The following NDST3 variants were observed in gnomAD, a reference collection of about 807,000 sequenced individuals.
The protein encoded by NDST3 is N-deacetylase and N-sulfotransferase 3.
In NDST3, 58 loss-of-function variants were observed where a neutral mutation model predicts 96.1. That is an observed-to-expected ratio of 0.60 (90% CI 0.49 to 0.75). The LOEUF (loss-of-function observed/expected upper bound fraction) is 0.75, where lower values mean the gene tolerates loss of function less well. Ranked by LOEUF, NDST3 falls within the 30% of genes least tolerant of loss-of-function variation. NDST3 has a pLI of 0.00. For synonymous variants in NDST3, 333 were observed against 359.7 expected (o/e 0.93, Z 0.84); for missense variants, 788 against 1,034.2 (o/e 0.76, Z 3.27).
At chr4:118,144,003 A>ATT (rs111242608) in intron 6 of NDST3, among the ~76,000 whole-genome samples, 65 of 151,032 alleles carry the variant, frequency 4.3e-4, no homozygotes, top group African/African-American at 1.5e-3. Flanking sequence ...ACGGGGAACC[A>ATT]TTTTTTTTTC....
intron 2 of NDST3, among the ~76,000 whole-genome samples, chr4:118,070,520 C>T (rs1726967587): frequency 1.3e-5 from 2 of 151,966 alleles, no homozygotes; most frequent in Admixed American, 1.3e-4. Context: ...TGATTACTCC[C>T]TACAGTCTAT....
At chr4:118,146,645 G>A (rs1487125993) in intron 6 of NDST3, among the ~76,000 whole-genome samples, 1 of 152,192 alleles carries the variant, frequency 6.6e-6, no homozygotes, top group East Asian at 1.9e-4. Context: ...TATCAATCAA[G>A]TGAATTTAAC....
At chr4:118,045,619 A>G (rs1425969973) in intron 1 of NDST3, among the ~76,000 whole-genome samples, 1 of 152,240 alleles carries the variant, frequency 6.6e-6, no homozygotes, top group Non-Finnish European at 1.5e-5. Flanking sequence ...TATATTATTC[A>G]TAAAGATAAA....
intron 6 of NDST3, among the ~76,000 whole-genome samples, chr4:118,204,897 T>G (rs1413253361): frequency 6.9e-6 from 1 of 144,532 alleles, no homozygotes; most frequent in Non-Finnish European, 1.5e-5. Flanking sequence ...TAGTTGCTTA[T>G]CATTTTCAGT....
chr4:118,227,240 C>CTTTTT, intron 8 of NDST3, among the ~76,000 whole-genome samples: 1 of 144,988 alleles, frequency 6.9e-6, no homozygotes, highest in African/African-American at 2.7e-5. Flanking sequence ...TTTTTTTTTC[C>CTTTTT]CCCCCAAATG....
chr4:118,238,540 A>C (rs763747277), intron 10 of NDST3, among the ~76,000 whole-genome samples: 3 of 152,232 alleles, frequency 2.0e-5, no homozygotes, highest in Non-Finnish European at 4.4e-5. Flanking sequence ...CAATGTCTTT[A>C]GTCTCTAGGA....
chr4:118,212,818 T>C (rs986103270), intron 6 of NDST3, among the ~76,000 whole-genome samples: 5 of 152,178 alleles, frequency 3.3e-5, no homozygotes, highest in African/African-American at 1.2e-4. Context: ...TTATAACAGG[T>C]TAGCCTTGGG....
chr4:118,125,138 G>A (rs1364964735), intron 4 of NDST3, among the ~76,000 whole-genome samples: 2 of 152,042 alleles, frequency 1.3e-5, no homozygotes, highest in Non-Finnish European at 2.9e-5. Context: ...TACATGGTGG[G>A]ACTTCCTGGC....
chr4:118,240,498 T>C, intron 10 of NDST3, 26 bp from the exon 11 acceptor site: 1 of 1,564,270 alleles, frequency 6.4e-7, no homozygotes. Flanking sequence ...TTCAGATTAG[T>C]TTAATTATCC....
At chr4:118,066,228 A>G (rs1223260374) in intron 2 of NDST3, among the ~76,000 whole-genome samples, 1 of 67,238 alleles carries the variant, frequency 1.5e-5, no homozygotes, top group African/African-American at 5.8e-5. Context: ...AATATATTAT[A>G]TATATTATAT....
chr4:118,118,410 G>A (rs1731286870), intron 4 of NDST3, among the ~76,000 whole-genome samples: 1 of 152,166 alleles, frequency 6.6e-6, no homozygotes, highest in African/African-American at 2.4e-5. Flanking sequence ...GAATTTCCGA[G>A]ACTGTGATCT....
At chr4:118,040,875 A>ATATT (rs1560603322) in intron 1 of NDST3, among the ~76,000 whole-genome samples, 1 of 52,530 alleles carries the variant, frequency 1.9e-5, no homozygotes, top group Non-Finnish European at 6.5e-5. Context: ...TTTTATATAT[A>ATATT]TATATATTTA....
At chr4:118,136,805 T>C (rs1210536918) in intron 4 of NDST3, among the ~76,000 whole-genome samples, 1 of 152,054 alleles carries the variant, frequency 6.6e-6, no homozygotes, top group Non-Finnish European at 1.5e-5. Flanking sequence ...AGACAGTGTG[T>C]ACAGTATACA....
At chr4:118,034,991 T>C (rs1424049195) in intron 1 of NDST3, among the ~76,000 whole-genome samples, 1 of 152,208 alleles carries the variant, frequency 6.6e-6, no homozygotes, top group Non-Finnish European at 1.5e-5. Flanking sequence ...CTCAAAAGGC[T>C]TTCTATTTGA....
At chr4:118,183,007 A>T (rs572570306) in intron 6 of NDST3, among the ~76,000 whole-genome samples, 11 of 152,126 alleles carry the variant, frequency 7.2e-5, no homozygotes, top group Non-Finnish European at 1.6e-4. Context: ...AAATAAGACT[A>T]CTCATACCAA....
intron 6 of NDST3, among the ~76,000 whole-genome samples, chr4:118,200,491 A>C (rs10030269): frequency 3.6e-4 from 55 of 152,312 alleles, no homozygotes; most frequent in African/African-American, 1.3e-3. Context: ...ATGCCATCTA[A>C]AAACCAAGTC....
chr4:118,110,597 G>A (rs1730557156), intron 3 of NDST3, among the ~76,000 whole-genome samples: 1 of 152,034 alleles, frequency 6.6e-6, no homozygotes, highest in African/African-American at 2.4e-5. Flanking sequence ...TATAATATCA[G>A]AATAGCAAAT....
chr4:118,130,426 T>C (rs1732515111), intron 4 of NDST3, among the ~76,000 whole-genome samples: 1 of 152,148 alleles, frequency 6.6e-6, no homozygotes, highest in African/African-American at 2.4e-5. Flanking sequence ...TTAACACTGA[T>C]TGCATAAACA....
At chr4:118,046,595 C>T (rs1431395273) in intron 1 of NDST3, among the ~76,000 whole-genome samples, 5 of 152,188 alleles carry the variant, frequency 3.3e-5, no homozygotes, top group African/African-American at 1.2e-4. Flanking sequence ...GGGTGCCTTG[C>T]TCCACCTGAT....
Sources: allele counts gnomAD v4.1 joint callset (sites outside exome capture counted in the v4.1 genomes callset), GRCh38; gene constraint gnomAD v4.1.1; transcripts MANE v1.5; gene names NCBI Gene and HGNC (gene_info 2026-07-23, HGNC 2026-07-21).